Variants in GPI observed in about 807,000 individuals in gnomAD.
The protein encoded by GPI is D-hexose-6-phosphate anomerase.
A neutral mutation model predicts 75.8 loss-of-function variants in GPI; 56 were observed. That is an observed-to-expected ratio of 0.74 (90% CI 0.60 to 0.92). The LOEUF (loss-of-function observed/expected upper bound fraction) is 0.92. Ranked by LOEUF, GPI falls within the 40% of genes least tolerant of loss-of-function variation. GPI has a pLI of 0.00. For synonymous variants in GPI, 288 were observed against 285.4 expected (o/e 1.01, Z -0.09); for missense variants, 638 against 741.0 (o/e 0.86, Z 1.61).
upstream of GPI, chr19:34,364,965 C>T (rs1158137658): frequency 2.0e-6 from 3 of 1,527,970 alleles, no homozygotes; most frequent in East Asian, 5.0e-5. Flanking sequence ...CGGGCTCTGC[C>T]CACCCTCCCC....
chr19:34,371,888 G>A (rs1304869409), intron 4 of GPI, among the ~76,000 whole-genome samples: 2 of 150,640 alleles, frequency 1.3e-5, no homozygotes, highest in East Asian at 3.9e-4. Context: ...TTTTTCCTCT[G>A]GGATGCTTCA....
chr19:34,378,159 A>G (rs960413380), intron 6 of GPI, among the ~76,000 whole-genome samples: 8 of 152,140 alleles, frequency 5.3e-5, no homozygotes, highest in Non-Finnish European at 1.2e-4. Flanking sequence ...ACTGCTCGCC[A>G]CTTTCTTACA....
In GPI at chr19:34,379,569, G is replaced by T. The variant is rs370032705; in HGVS notation, c.750+7G>T. 4 of 1,611,514 alleles carry T rather than the reference G, an allele frequency of 2.5e-6. No homozygotes were observed. Among genetic ancestry groups the T allele is most frequent in the African/African-American group, 2.7e-5 (2 of 74,870 alleles). On this transcript the variant is annotated splice_region_variant and intron_variant, in intron 8 of 17. Transcript: ENST00000356487. ...TGCCCTGTCTACTAACACAGTAAGT[G>T]CCCCCGTGGTCCCCTGTACTGCCTT... is the stretch of plus-strand genomic sequence containing the variant.
rs762697901 is a variant in GPI at position 34,365,275 on chromosome 19, T to C, written c.9T>C (p.Ala3=). 3.8e-6 allele frequency: 6 copies of C among 1,575,276 alleles called. No homozygotes were observed. In the Admixed American group the frequency reaches 7.1e-5, roughly 19 times the overall value. ...TACCTTCTAGTCCCGCCATGGCCGC[T>C]CTCACCCGGGACCCCCAGTTCCAGA... MA[A]LTRDPQFQKL... is the part of the protein sequence containing the mutation. Residue 3 remains alanine, a synonymous_variant, in exon 1 of 18, where the codon GCT becomes GCC. Transcript: ENST00000356487.
chr19:34,397,744 T>G (rs1189584113), intron 14 of GPI: 1 of 150,204 alleles, frequency 6.7e-6, no homozygotes, highest in Non-Finnish European at 1.5e-5. Flanking sequence ...TGGGCTCAAG[T>G]GATTCTCCTG....
Position 34,400,127 on chromosome 19 carries a change from C to A in GPI, c.*91C>A. 2 of 1,352,174 alleles carry A rather than the reference C, an allele frequency of 1.5e-6. No individual in the cohort carries two copies. The highest frequency in any genetic ancestry group is 1.0e-6 in the Non-Finnish European group (1 of 956,308). 83.8% of individuals were successfully genotyped at this position (1,352,174 alleles called of 1,614,324 possible). ...CGGCACTGCATGTTCCTGGACACCA[C>A]CCAGAGCACCCTCTGGTTGTGGGCT... On this transcript the variant is annotated 3_prime_UTR_variant, in exon 18 of 18. Transcript: ENST00000356487.
chr19:34,386,783 G>C (rs2074741349), intron 9 of GPI, among the ~76,000 whole-genome samples: 1 of 152,194 alleles, frequency 6.6e-6, no homozygotes, highest in Admixed American at 6.5e-5. Context: ...TCTTGCAGGT[G>C]AGGTCATTGG....
In GPI at chr19:34,365,311, A is replaced by G. The variant is rs572523544; in HGVS notation, c.45A>G (p.Gln15=). ...ACCCCCAGTTCCAGAAGCTGCAGCAATGGTACCGCGAGCACCGCTCCGAGC... is the reference window on the plus strand; with the variant it reads ...ACCCCCAGTTCCAGAAGCTGCAGCAGTGGTACCGCGAGCACCGCTCCGAGC... ...TRDPQFQKLQ[Q]WYREHRSELN... The change falls in exon 1 of 18, where the codon CAA becomes CAG. Residue 15 remains glutamine (Q), a synonymous_variant. Transcript: ENST00000356487. The G allele has an allele frequency of 9.6e-5, 152 of 1,586,940 alleles. 2 individuals are homozygous for G. Among genetic ancestry groups the G allele is most frequent in the South Asian group, 7.2e-4 (64 of 88,664 alleles).
At chr19:34,388,067 G>A (rs1300623670) in intron 9 of GPI, among the ~76,000 whole-genome samples, 1 of 152,206 alleles carries the variant, frequency 6.6e-6, no homozygotes, top group African/African-American at 2.4e-5. Flanking sequence ...CCCTGGTCAG[G>A]TATGATAGAC....
upstream of GPI, among the ~76,000 whole-genome samples, chr19:34,363,023 G>C (rs1284586431): frequency 6.6e-6 from 1 of 152,212 alleles, no homozygotes; most frequent in African/African-American, 2.4e-5. Context: ...AGTGCTGCAT[G>C]CCTGTAATCC....
intron 4 of GPI, among the ~76,000 whole-genome samples, chr19:34,369,672 A>T (rs1262576275): frequency 1.3e-5 from 2 of 150,548 alleles, no homozygotes; most frequent in African/African-American, 4.9e-5. Context: ...GCGCCACTGC[A>T]CTCCAGCCTG....
At chr19:34,396,681 T>C (rs1299361095) in intron 14 of GPI, 24 bp downstream of exon 14, 1 of 1,592,570 alleles carries the variant, frequency 6.3e-7, no homozygotes, top group Non-Finnish European at 8.6e-7. Flanking sequence ...TCTGGCCCCA[T>C]CTGGGGGGTC....
chr19:34,400,050 T>G lies in GPI; in HGVS notation c.*14T>G, dbSNP rs373616950. The G allele has an allele frequency of 2.1e-5, 34 of 1,608,372 alleles. No homozygotes were observed. The highest frequency in any genetic ancestry group is 2.8e-5 in the Non-Finnish European group (33 of 1,179,754). The stretch of plus-strand genomic sequence containing the variant: ...AGAGTCCAATAAACTCGTGCTCATC[T>G]GCAGCCTCCTCTGTGACTCCCCTTT... On this transcript the variant is annotated 3_prime_UTR_variant, in exon 18 of 18. Coordinates refer to ENST00000356487, the MANE Select transcript of GPI (RefSeq NM_000175.5).
chr19:34,378,892 C>A (rs772613140), intron 6 of GPI, 42 bp from the exon 7 acceptor site: 2 of 1,507,320 alleles, frequency 1.3e-6, no homozygotes, highest in Admixed American at 3.3e-5. Context: ...CCTGCACCCA[C>A]CCCTAAGCTC....
rs1392942149 is a variant in GPI, at chr19:34,400,681, T to C, written c.*645T>C. 2 of 403,506 alleles carry C rather than the reference T, an allele frequency of 5.0e-6. No individual in the cohort carries two copies. The highest frequency in any genetic ancestry group is 2.1e-5 in the African/African-American group (1 of 48,648). The allele number at this position is 403,506 out of a possible 1,614,324, so 25.0% of individuals were successfully genotyped here. ...AAGACCGAGGATGACTGCCATCTCC[T>C]GGCAAGACGCTCAGGTAGTTCTTTT... is the stretch of plus-strand genomic sequence containing the variant. On this transcript the variant is annotated 3_prime_UTR_variant, in exon 18 of 18. Coordinates refer to ENST00000356487, the MANE Select transcript of GPI (RefSeq NM_000175.5).
At chr19:34,379,942 C>T (rs1308827274) in intron 8 of GPI, 1 of 308,050 alleles carries the variant, frequency 3.2e-6, no homozygotes, top group Admixed American at 4.6e-5. Flanking sequence ...CATAAAGCCC[C>T]AATGAAGGGA....
chr19:34,365,724 G>A (rs1599799243), intron 1 of GPI: 2 of 515,002 alleles, frequency 3.9e-6, no homozygotes, highest in Non-Finnish European at 7.5e-6. Context: ...AGAGGCCTTG[G>A]CTGACGCAGC....
chr19:34,390,238 G>C (rs2074801096), intron 9 of GPI, among the ~76,000 whole-genome samples: 1 of 152,320 alleles, frequency 6.6e-6, no homozygotes, highest in African/African-American at 2.4e-5. Flanking sequence ...CCTGGCACAA[G>C]TATGAGGCAC....
At chr19:34,369,122 C>T (rs961630316) in intron 4 of GPI, among the ~76,000 whole-genome samples, 5 of 151,364 alleles carry the variant, frequency 3.3e-5, no homozygotes, top group Admixed American at 3.3e-4. Flanking sequence ...TATCTCAGCT[C>T]ACTGCAACTT....
Sources: allele counts gnomAD v4.1 joint callset (sites outside exome capture counted in the v4.1 genomes callset), GRCh38; gene constraint gnomAD v4.1.1; transcripts MANE v1.5; gene names NCBI Gene and HGNC (gene_info 2026-07-23, HGNC 2026-07-21).